FMN1: variants seen among roughly 807,000 people sequenced by gnomAD.
The protein encoded by FMN1 is formin 1.
In FMN1, 110 loss-of-function variants were observed where a neutral mutation model predicts 132.4. The observed-to-expected ratio is 0.83, with a 90% CI of 0.71 to 0.97. The LOEUF is 0.97. FMN1 is among the 50% of genes least tolerant of loss of function. FMN1 has a pLI of 0.00. For missense variants in FMN1, 1,792 were observed against 1,705.3 expected, an observed-to-expected ratio of 1.05 and a Z score of -0.90; for synonymous variants, 722 against 651.7, an observed-to-expected ratio of 1.11 and a Z score of -1.64.
chr15:33,150,620 C>T (rs1179319943), intron 4 of FMN1: 3 of 985,290 alleles, frequency 3.0e-6, no homozygotes, highest in African/African-American at 3.5e-5. Flanking sequence ...CAAGGATAAG[C>T]GGGTTTCACT....
At chr15:32,816,290 C>T (rs2058057066) in intron 17 of FMN1, among the ~76,000 whole-genome samples, 1 of 152,060 alleles carries the variant, frequency 6.6e-6, no homozygotes, top group Non-Finnish European at 1.5e-5. Flanking sequence ...AATGCTATGA[C>T]AAAATTATAA....
intron 6 of FMN1, among the ~76,000 whole-genome samples, chr15:33,019,364 C>T (rs1288648973): frequency 1.3e-5 from 2 of 152,220 alleles, no homozygotes; most frequent in African/African-American, 2.4e-5. Flanking sequence ...TTCACAATCC[C>T]TTAGCCAGAC....
At chr15:33,120,872 A>T (rs934014953) in intron 4 of FMN1, among the ~76,000 whole-genome samples, 3 of 152,132 alleles carry the variant, frequency 2.0e-5, no homozygotes, top group Non-Finnish European at 4.4e-5. Flanking sequence ...CAAGCTCTCC[A>T]GGACTCTTTC....
chr15:33,042,277 G>A (rs568702921), intron 6 of FMN1, among the ~76,000 whole-genome samples: 9 of 152,160 alleles, frequency 5.9e-5, no homozygotes, highest in Non-Finnish European at 1.2e-4. Context: ...GGCAAGTTAT[G>A]CTCCTGGATG....
chr15:32,779,848 C>A (rs1423361393), intron 19 of FMN1, among the ~76,000 whole-genome samples: 1 of 152,082 alleles, frequency 6.6e-6, no homozygotes, highest in Non-Finnish European at 1.5e-5. Context: ...ATTCATTCAA[C>A]AGAATAGGGT....
chr15:33,033,265 T>C (rs1004107260), intron 6 of FMN1, among the ~76,000 whole-genome samples: 27 of 152,188 alleles, frequency 1.8e-4, no homozygotes, highest in African/African-American at 3.6e-4. Context: ...CTCCTGACCT[T>C]GTGATCCGCC....
At chr15:33,174,350 C>T (rs940589452) in intron 3 of FMN1, among the ~76,000 whole-genome samples, 1 of 152,094 alleles carries the variant, frequency 6.6e-6, no homozygotes, top group Non-Finnish European at 1.5e-5. Context: ...TAATACCTCC[C>T]CCTCTCAGAT....
intron 7 of FMN1, among the ~76,000 whole-genome samples, chr15:33,006,323 A>T (rs143002100): frequency 1.3e-5 from 2 of 152,242 alleles, no homozygotes; most frequent in African/African-American, 4.8e-5. Flanking sequence ...AGGGAAATGC[A>T]AACTAAAACC....
At chr15:33,088,523 G>T (rs900675556) in intron 5 of FMN1, among the ~76,000 whole-genome samples, 2 of 152,160 alleles carry the variant, frequency 1.3e-5, no homozygotes, top group Non-Finnish European at 2.9e-5. Context: ...CACAATGAGA[G>T]ATCTAGGCTG....
At chr15:32,825,486 G>A (rs1391705360) in intron 17 of FMN1, among the ~76,000 whole-genome samples, 1 of 152,092 alleles carries the variant, frequency 6.6e-6, no homozygotes, top group Non-Finnish European at 1.5e-5. Flanking sequence ...CTCCTTCCCA[G>A]ACTTAAATGT....
intron 18 of FMN1, among the ~76,000 whole-genome samples, chr15:32,803,347 T>C (rs1326741876): frequency 6.6e-6 from 1 of 152,272 alleles, no homozygotes; most frequent in East Asian, 1.9e-4. Context: ...CTCACTCTTC[T>C]ATGAGGGAGG....
intron 18 of FMN1, among the ~76,000 whole-genome samples, chr15:32,799,615 A>C (rs943808949): frequency 2.0e-5 from 3 of 152,214 alleles, no homozygotes; most frequent in African/African-American, 7.2e-5. Context: ...TTTTGGATGA[A>C]AAACCATTTC....
intron 17 of FMN1, among the ~76,000 whole-genome samples, chr15:32,833,560 G>T (rs189955608): frequency 3.9e-5 from 6 of 152,100 alleles, no homozygotes; most frequent in African/African-American, 1.2e-4. Flanking sequence ...TCAAGTCCCC[G>T]GCCCAAAAGT....
At chr15:33,087,856 C>T (rs533824231) in intron 5 of FMN1, among the ~76,000 whole-genome samples, 1 of 152,010 alleles carries the variant, frequency 6.6e-6, no homozygotes, top group South Asian at 2.1e-4. Context: ...CACATATATA[C>T]ATATACCATG....
At chr15:32,918,025 G>A (rs2060726840) in intron 10 of FMN1, among the ~76,000 whole-genome samples, 1 of 151,906 alleles carries the variant, frequency 6.6e-6, no homozygotes, top group Non-Finnish European at 1.5e-5. Context: ...AAATGATTAA[G>A]CTTTAATCTT....
chr15:32,779,924 C>T (rs74011961), intron 19 of FMN1, among the ~76,000 whole-genome samples: 1,999 of 152,240 alleles, frequency 0.013, 41 homozygotes, highest in African/African-American at 0.045. Flanking sequence ...AGGCATGATA[C>T]TGAGAGTGAA....
intron 6 of FMN1, among the ~76,000 whole-genome samples, chr15:33,009,090 A>AG (rs776955824): frequency 1.3e-5 from 2 of 152,226 alleles, no homozygotes; most frequent in Non-Finnish European, 2.9e-5. Flanking sequence ...AATTACGGCT[A>AG]GATAGACCTC....
chr15:32,995,053 A>G (rs1229363894), intron 7 of FMN1, among the ~76,000 whole-genome samples: 2 of 152,148 alleles, frequency 1.3e-5, no homozygotes, highest in Admixed American at 6.5e-5. Context: ...AGATTGTGGA[A>G]TGACTCCTAA....
chr15:33,061,564 T>C (rs188680224), intron 6 of FMN1, among the ~76,000 whole-genome samples: 21 of 152,248 alleles, frequency 1.4e-4, no homozygotes, highest in Non-Finnish European at 1.9e-4. Flanking sequence ...CACATTGATT[T>C]ATAAACTAAT....
Sources: allele counts gnomAD v4.1 joint callset (sites outside exome capture counted in the v4.1 genomes callset), GRCh38; gene constraint gnomAD v4.1.1; transcripts MANE v1.5; gene names NCBI Gene and HGNC (gene_info 2026-07-23, HGNC 2026-07-21).